The following CSMD3 variants were observed in gnomAD, a reference collection of about 807,000 sequenced individuals.
CSMD3 encodes the protein CUB and Sushi multiple domains 3, also known as CUB and sushi domain-containing protein 3.
In CSMD3, 177 loss-of-function variants were observed where a neutral mutation model predicts 435.2. That is an observed-to-expected ratio of 0.41 (90% CI 0.36 to 0.46). CSMD3 has a LOEUF of 0.46. CSMD3 is among the 20% of genes least tolerant of loss of function. The probability of loss-of-function intolerance (pLI) is 0.34; values close to 1 mark genes in which losing one functional copy is unlikely to be tolerated. For synonymous variants in CSMD3, 1,656 were observed against 1,520.5 expected (o/e 1.09, Z -2.07); for missense variants, 4,265 against 4,504.6 (o/e 0.95, Z 1.52).
chr8:112,791,437 C>G (rs1466322805), intron 13 of CSMD3, among the ~76,000 whole-genome samples: 1 of 151,760 alleles, frequency 6.6e-6, no homozygotes, highest in East Asian at 1.9e-4. Flanking sequence ...AATCTGCTTT[C>G]AGTCACTATA....
At chr8:112,499,834 A>G (rs1426791772) in intron 30 of CSMD3, among the ~76,000 whole-genome samples, 3 of 152,058 alleles carry the variant, frequency 2.0e-5, no homozygotes, top group Admixed American at 1.3e-4. Context: ...AATAAGCAGT[A>G]TTGGCCAGGC....
intron 18 of CSMD3, among the ~76,000 whole-genome samples, chr8:112,652,295 C>T (rs1269419909): frequency 6.6e-6 from 1 of 152,108 alleles, no homozygotes; most frequent in Non-Finnish European, 1.5e-5. Context: ...TCTTCTCAAC[C>T]TTTAACAGAA....
At chr8:113,181,915 T>C (rs1347758570) in intron 3 of CSMD3, among the ~76,000 whole-genome samples, 3 of 152,058 alleles carry the variant, frequency 2.0e-5, no homozygotes, top group Non-Finnish European at 4.4e-5. Flanking sequence ...TTAAGACTTT[T>C]GGATAAAGGT....
At chr8:112,780,924 C>T (rs2078368200) in intron 13 of CSMD3, among the ~76,000 whole-genome samples, 1 of 152,026 alleles carries the variant, frequency 6.6e-6, no homozygotes, top group African/African-American at 2.4e-5. Flanking sequence ...AATCCTGGTG[C>T]TGTGCTGGGC....
At chr8:113,055,317 T>A (rs1242324922) in intron 5 of CSMD3, among the ~76,000 whole-genome samples, 1 of 152,124 alleles carries the variant, frequency 6.6e-6, no homozygotes, top group African/African-American at 2.4e-5. Context: ...CGCCCGGCCT[T>A]GAGAAGTATT....
intron 6 of CSMD3, among the ~76,000 whole-genome samples, chr8:113,017,251 TA>T (rs777145303): frequency 1.3e-4 from 19 of 151,948 alleles, no homozygotes; most frequent in Non-Finnish European, 2.4e-4. Flanking sequence ...ATTCCAATCT[TA>T]AAAATACTGC....
rs1423825506 is a variant in CSMD3, at chr8:113,302,294, A to ATATAATATTATATATATTATATAT, written c.401+12276_401+12277insATATATAATATATATAATATTATA. ...AATATATAATTATAATATATAATAT[A>ATATAATATTATATATATTATATAT]ATATAATATATATATTATATATATA... On this transcript the variant is annotated intron_variant, in intron 2 of 70. Transcript: ENST00000297405. 2.7e-4 allele frequency among the ~76,000 whole-genome samples: 4 copies of ATATAATATTATATATATTATATAT among 14,638 alleles called. No homozygotes were observed. In the African/African-American group the frequency reaches 2.9e-3, roughly 11 times the overall value. The allele number at this position is 14,638 out of a possible 152,430, so 9.6% of individuals were successfully genotyped here.
chr8:113,285,352 C>T (rs948349606), intron 2 of CSMD3, among the ~76,000 whole-genome samples: 24 of 91,730 alleles, frequency 2.6e-4, no homozygotes, highest in Non-Finnish European at 3.8e-4. Flanking sequence ...CTCCACCTCC[C>T]GGGTTCACCC....
intron 10 of CSMD3, 29 bp downstream of exon 10, chr8:112,921,598 G>T: frequency 6.3e-7 from 1 of 1,586,420 alleles, no homozygotes; most frequent in Non-Finnish European, 8.7e-7. Context: ...ATTAAAATGT[G>T]TTCAGAGGGC....
intron 41 of CSMD3, among the ~76,000 whole-genome samples, chr8:112,345,604 G>GT (rs1825590035): frequency 6.6e-6 from 1 of 152,024 alleles, no homozygotes; most frequent in Non-Finnish European, 1.5e-5. Context: ...GAAAATGTTG[G>GT]TTAAAGGGCA....
At chr8:113,331,715 T>C (rs1291279416) in intron 1 of CSMD3, among the ~76,000 whole-genome samples, 1 of 151,728 alleles carries the variant, frequency 6.6e-6, no homozygotes, top group African/African-American at 2.4e-5. Flanking sequence ...ATATATATTT[T>C]ACAAAATTCA....
intron 13 of CSMD3, among the ~76,000 whole-genome samples, chr8:112,774,526 C>A (rs1187799166): frequency 5.3e-5 from 8 of 151,970 alleles, no homozygotes; most frequent in Non-Finnish European, 1.2e-4. Flanking sequence ...TCGAAATCTA[C>A]TTTATTTTTC....
rs2086873997 is a variant in CSMD3 at position 113,026,309 on chromosome 8, C to T, written c.918-7130G>A. On this transcript the variant is annotated intron_variant, in intron 5 of 70. Transcript: ENST00000297405. ...ATAGGTGCTTCACTTACTTTCTAAACTTCCATTCTGGGTTTCTGTGCTTCA... is the reference window on the plus strand; with the variant it reads ...ATAGGTGCTTCACTTACTTTCTAAATTTCCATTCTGGGTTTCTGTGCTTCA... 2.0e-5 allele frequency among the ~76,000 whole-genome samples: 3 copies of T among 152,314 alleles called. 1 individual carries two copies. Among genetic ancestry groups the T allele is most frequent in the Non-Finnish European group, 2.9e-5 (2 of 68,018 alleles).
At chr8:112,574,330 T>C (rs1481318576) in intron 23 of CSMD3, among the ~76,000 whole-genome samples, 2 of 151,956 alleles carry the variant, frequency 1.3e-5, no homozygotes, top group South Asian at 2.1e-4. Context: ...ATTCTTCTGT[T>C]TGAGAGATGT....
chr8:113,435,261 C>A (rs1488176483), intron 1 of CSMD3, among the ~76,000 whole-genome samples: 1 of 152,148 alleles, frequency 6.6e-6, no homozygotes, highest in East Asian at 1.9e-4. Context: ...CTTCAAGGAG[C>A]AGGTTGGGAT....
intron 27 of CSMD3, among the ~76,000 whole-genome samples, chr8:112,535,854 C>G (rs1205421795): frequency 1.3e-5 from 2 of 152,064 alleles, no homozygotes; most frequent in Non-Finnish European, 2.9e-5. Flanking sequence ...ACAGAGCCCT[C>G]AGAAATAATG....
chr8:112,770,756 C>T (rs62516532), intron 13 of CSMD3, among the ~76,000 whole-genome samples: 1 of 151,970 alleles, frequency 6.6e-6, no homozygotes, highest in Admixed American at 6.6e-5. Context: ...TAATAACATA[C>T]ATTATATTTC....
chr8:112,874,310 A>G (rs1367356531), intron 10 of CSMD3, among the ~76,000 whole-genome samples: 1 of 152,122 alleles, frequency 6.6e-6, no homozygotes, highest in East Asian at 1.9e-4. Flanking sequence ...ACATTTGATG[A>G]GGAGTGTTTT....
intron 13 of CSMD3, among the ~76,000 whole-genome samples, chr8:112,732,699 CAAA>C (rs34891739): frequency 2.1e-5 from 2 of 97,182 alleles, no homozygotes. Context: ...GACTCCATCT[CAAA>C]AAAAAAAAAA....
Sources: allele counts gnomAD v4.1 joint callset (sites outside exome capture counted in the v4.1 genomes callset), GRCh38; gene constraint gnomAD v4.1.1; transcripts MANE v1.5; gene names NCBI Gene and HGNC (gene_info 2026-07-23, HGNC 2026-07-21).